Variants in ALS2CL observed in about 807,000 individuals in gnomAD.
The protein encoded by ALS2CL is ALS2 C-terminal like.
A neutral mutation model predicts 127.9 loss-of-function variants in ALS2CL; 112 were observed. That is an observed-to-expected ratio of 0.88 (90% CI 0.75 to 1.02). ALS2CL has a LOEUF of 1.02. Ranked by LOEUF, ALS2CL falls within the 50% of genes least tolerant of loss-of-function variation. The pLI, the probability that ALS2CL is intolerant of heterozygous loss-of-function variation, is 0.00. For missense variants in ALS2CL, 1,174 were observed against 1,236.7 expected, an observed-to-expected ratio of 0.95 and a Z score of 0.76; for synonymous variants, 519 against 527.6, an observed-to-expected ratio of 0.98 and a Z score of 0.22.
chr3:46,676,214 C>T (rs75480823), intron 19 of ALS2CL, 31 bp downstream of exon 19: 51,818 of 1,606,062 alleles, frequency 0.032, 974 homozygotes, highest in Middle Eastern at 0.054. Flanking sequence ...TGTCACAGGG[C>T]AGTAGCTGTC....
chr3:46,693,238 G>C (rs60236667), intron 1 of ALS2CL, among the ~76,000 whole-genome samples: 255 of 152,378 alleles, frequency 1.7e-3, no homozygotes, highest in African/African-American at 5.7e-3. Context: ...GAGTTTCCCA[G>C]ACCCGAGCTC....
Position 46,682,009 on chromosome 3 carries a change from G to A in ALS2CL, c.1175+20C>T, listed in dbSNP as rs1699389389. On this transcript the variant is annotated intron_variant, in intron 11 of 25. Transcript: ENST00000318962. The stretch of plus-strand genomic sequence containing the variant: ...TCAGCCCACTGCACGCCTCCCAGCA[G>A]TAGCCCCAGCCAGCCTTACCCATGC... 6.2e-7 allele frequency: 1 copy of A among 1,613,258 alleles called. No homozygotes were observed. Among genetic ancestry groups the A allele is most frequent in the African/African-American group, 1.3e-5 (1 of 74,920 alleles).
chr3:46,681,035 GA>G lies in ALS2CL; in HGVS notation c.1436+210del. 1 of 729,390 alleles carries G rather than the reference GA, an allele frequency of 1.4e-6. No individual in the cohort carries two copies. Among genetic ancestry groups the G allele is most frequent in the South Asian group, 1.6e-5 (1 of 60,888 alleles). The allele number at this position is 729,390 out of a possible 1,614,324, so 45.2% of individuals were successfully genotyped here. A position where few individuals can be genotyped will look rare whatever the true frequency, so the allele number is the denominator to read the frequency against. ...AGAAATGCCTCTCCAACACCATGAG[GA>G]GGGGTGAGGGGCGGGGGCGACCCTG... On this transcript the variant is annotated intron_variant, in intron 13 of 25. Coordinates refer to ENST00000318962, the MANE Select transcript of ALS2CL (RefSeq NM_147129.5). The surrounding 1 kb of genome is among the most constrained non-coding windows in gnomAD (Gnocchi z 4.9).
At chr3:46,672,321 A>C (rs2106683236) in intron 22 of ALS2CL, 120 bp from the exon 23 acceptor site, 1 of 1,270,788 alleles carries the variant, frequency 7.9e-7, no homozygotes, top group African/African-American at 1.5e-5. Context: ...GCTTTAGTGC[A>C]GCCCCACCCT....
At position 46,683,242 on chromosome 3, in the gene ALS2CL, C is replaced by A; in HGVS notation, c.997G>T (p.Glu333Ter). The change falls in exon 10 of 26, where the codon GAG (glutamate) becomes TAG (stop). Residue 333 changes from glutamate (E) to a stop codon, truncating the protein, a stop_gained. Coordinates refer to ENST00000318962, the MANE Select transcript of ALS2CL (RefSeq NM_147129.5). LOFTEE classifies it high-confidence loss of function. ...KDFPVLGAGL[E>*]PSQPPDCRCA... is the part of the protein sequence containing the mutation. ...CGGCAGTCGGGAGGCTGGGAGGGCT[C>A]CAGGCCAGCCCCCAGCACGGGGAAG... is the stretch of plus-strand genomic sequence containing the variant. 1 of 1,610,760 alleles carries A rather than the reference C, an allele frequency of 6.2e-7. No homozygotes were observed. Among genetic ancestry groups the A allele is most frequent in the Non-Finnish European group, 8.5e-7 (1 of 1,178,758 alleles).
chr3:46,684,039 A>C lies in ALS2CL; in HGVS notation c.795T>G (p.Asn265Lys). ...CCAGCTTCAGATCAAAGGTGTGGAC[A>C]TTGTGGCCCTGGAAGAGGATGGACA... is the stretch of plus-strand genomic sequence containing the variant. ...DDALVLLQGH[N>K]VHTFDLKLVW... Residue 265 changes from asparagine to lysine, a missense_variant, in exon 8 of 26, where the codon AAT (asparagine) becomes AAG (lysine). Transcript: ENST00000318962. 6.4e-7 allele frequency: 1 copy of C among 1,558,100 alleles called. No homozygotes were observed. Among genetic ancestry groups the C allele is most frequent in the Non-Finnish European group, 8.7e-7 (1 of 1,150,316 alleles).
intron 20 of ALS2CL, 32 bp downstream of exon 20, chr3:46,675,586 C>T (rs776466364): frequency 5.0e-6 from 8 of 1,604,564 alleles, no homozygotes; most frequent in Non-Finnish European, 6.8e-6. Flanking sequence ...TCCCTGGACA[C>T]GGCAGGCCCC....
intron 14 of ALS2CL, chr3:46,679,545 T>C: frequency 3.7e-6 from 1 of 267,418 alleles, no homozygotes; most frequent in Non-Finnish European, 7.0e-6. Flanking sequence ...CAGCGGCTTC[T>C]TCAGGAAGCC....
intron 4 of ALS2CL, 91 bp from the exon 5 acceptor site, chr3:46,687,239 G>C: frequency 7.2e-7 from 1 of 1,384,070 alleles, no homozygotes; most frequent in Non-Finnish European, 9.5e-7. Context: ...AATCCCCTCA[G>C]ATCCCAGGGC....
rs1373336291 is a variant in ALS2CL at position 46,681,262 on chromosome 3, C to T, written c.1420G>A (p.Glu474Lys). The T allele has an allele frequency of 1.2e-6, 2 of 1,613,970 alleles. No individual in the cohort carries two copies. The highest frequency in any genetic ancestry group is 3.3e-5 in the Admixed American group (2 of 60,016). ...GGCGCTCACCTGTCACCATCCTCCT[C>T]AATGCCATAGCCGCTCCTCTGGCCC... ...ERGQRSGYGI[E>K]EDGDRGERYI... is the part of the protein sequence containing the mutation. The change falls in exon 13 of 26, where the codon GAG (glutamate) becomes AAG (lysine). Residue 474 changes from glutamate (E) to lysine (K), a missense_variant. Coordinates refer to ENST00000318962, the MANE Select transcript of ALS2CL (RefSeq NM_147129.5). The surrounding 1 kb of genome is among the most constrained non-coding windows in gnomAD (Gnocchi z 4.9).
At chr3:46,679,106 C>T in intron 15 of ALS2CL, 104 bp downstream of exon 15, 4 of 1,219,618 alleles carry the variant, frequency 3.3e-6, no homozygotes, top group South Asian at 2.9e-5. Flanking sequence ...GGAGGTGGGA[C>T]AGGCCCTCCC....
At position 46,673,359 on chromosome 3, in the gene ALS2CL, G is replaced by A; in HGVS notation, c.2452C>T (p.Leu818Phe). Residue 818 changes from leucine (L) to phenylalanine (F), a missense_variant, in exon 22 of 26, where the codon CTC (leucine) becomes TTC (phenylalanine). Transcript: ENST00000318962. ...VQKHLWPLKD[L>F]TLTSNQRYSL... ...CTCACCTGATTGCTCGTCAGCGTGA[G>A]GTCCTTGAGGGGCCACAAGTGCCTG... 6.4e-7 allele frequency: 1 copy of A among 1,565,390 alleles called. No individual in the cohort carries two copies. Among genetic ancestry groups the A allele is most frequent in the Non-Finnish European group, 8.7e-7 (1 of 1,154,658 alleles).
rs77548024 is a variant in ALS2CL at position 46,679,539 on chromosome 3, G to A, written c.1549-252C>T. The A allele has an allele frequency of 6.9e-3, 1,865 of 270,644 alleles. 29 individuals carry two copies. Among genetic ancestry groups the A allele is most frequent in the African/African-American group, 0.038 (1,735 of 45,104 alleles). 16.8% of individuals were successfully genotyped at this position (270,644 alleles called of 1,614,324 possible). Reference sequence around the variant, plus strand: ...CTCCGCCCTGGCTCCTCACCCCAGCGGCTTCTTCAGGAAGCCCTTGGGAGC... The same window carrying A: ...CTCCGCCCTGGCTCCTCACCCCAGCAGCTTCTTCAGGAAGCCCTTGGGAGC... On this transcript the variant is annotated intron_variant, in intron 14 of 25. Transcript: ENST00000318962.
At chr3:46,675,324 G>A (rs1698722954) in intron 20 of ALS2CL, 1 of 392,386 alleles carries the variant, frequency 2.5e-6, no homozygotes, top group African/African-American at 2.1e-5. Context: ...TGCAGGGAGA[G>A]GAGGGTGCCT....
In ALS2CL at chr3:46,671,029, C is replaced by T. The variant is rs1256197330; in HGVS notation, c.2817G>A (p.Arg939=). The part of the protein sequence containing the change: ...CYEHIQKEDM[R]LHRLPGHWHS... ...GCCAGTGGCCAGGTAAGCGGTGCAG[C>T]CTCATGTCTTCTTTCTGGATGTGCT... Residue 939 remains arginine, a synonymous_variant, in exon 26 of 26, where the codon AGG becomes AGA. Coordinates refer to ENST00000318962, the MANE Select transcript of ALS2CL (RefSeq NM_147129.5). The T allele has an allele frequency of 9.3e-6, 15 of 1,614,210 alleles. No individual in the cohort carries two copies. Among genetic ancestry groups the T allele is most frequent in the Non-Finnish European group, 1.2e-5 (14 of 1,180,034 alleles).
At chr3:46,684,978 A>G (rs1158891519) in intron 7 of ALS2CL, among the ~76,000 whole-genome samples, 1 of 152,200 alleles carries the variant, frequency 6.6e-6, no homozygotes, top group Non-Finnish European at 1.5e-5. Context: ...ACATGATTTC[A>G]GGATGGATGA....
intron 15 of ALS2CL, 33 bp from the exon 16 acceptor site, chr3:46,678,422 T>C (rs535760692): frequency 6.3e-7 from 1 of 1,594,200 alleles, no homozygotes; most frequent in Non-Finnish European, 8.6e-7. Context: ...GGGATGTCTG[T>C]CTGCCCAGTT....
chr3:46,680,925 G>T, intron 13 of ALS2CL: 1 of 550,182 alleles, frequency 1.8e-6, no homozygotes, highest in Non-Finnish European at 3.3e-6. Context: ...GGCTGTGATT[G>T]CCAGGCCAAG....
Position 46,670,610 on chromosome 3 carries a change from T to A in ALS2CL, c.*374A>T. The A allele has an allele frequency of 4.5e-6, 1 of 222,884 alleles. No homozygotes were observed. Among genetic ancestry groups the A allele is most frequent in the South Asian group, 8.3e-5 (1 of 12,006 alleles). The allele number at this position is 222,884 out of a possible 1,614,324, so 13.8% of individuals were successfully genotyped here. ...GGAATTCAGCAAAATGAATGGAAGG[T>A]CCTTTACAGCGTACTCACTCCACCA... On this transcript the variant is annotated 3_prime_UTR_variant, in exon 26 of 26. Transcript: ENST00000318962. The surrounding 1 kb of genome is among the most constrained non-coding windows in gnomAD (Gnocchi z 5.5).
Sources: gnomAD v4.1 joint callset for allele counts (sites outside exome capture counted in the v4.1 genomes callset) on GRCh38, gnomAD v4.1.1 for gene constraint, Gnocchi (gnomAD v3.1) non-coding constraint, MANE v1.5 for transcripts, NCBI Gene and HGNC (gene_info 2026-07-23, HGNC 2026-07-21) for gene names.